TNIK: variants seen among roughly 807,000 people sequenced by gnomAD.
TNIK encodes the protein TRAF2 and NCK interacting kinase.
A neutral mutation model predicts 191.3 loss-of-function variants in TNIK; 49 were observed. The observed-to-expected ratio is 0.26, with a 90% confidence interval of 0.20 to 0.32. The LOEUF (loss-of-function observed/expected upper bound fraction) is 0.32, where lower values mean the gene tolerates loss of function less well. Among genes scored for constraint, TNIK ranks in the 10% least tolerant of loss-of-function variants. TNIK has a pLI of 1.00. For missense variants in TNIK, 1,155 were observed against 1,702.3 expected, an observed-to-expected ratio of 0.68 and a Z score of 5.66; for synonymous variants, 594 against 600.9, an observed-to-expected ratio of 0.99 and a Z score of 0.17.
chr3:171,446,404 A>G (rs1054207905), intron 1 of TNIK, among the ~76,000 whole-genome samples: 12 of 152,214 alleles, frequency 7.9e-5, no homozygotes, highest in Admixed American at 2.0e-4. Context: ...TGATGAAACC[A>G]TATTCATGTG....
At chr3:171,239,864 C>A (rs566199701) in intron 2 of TNIK, among the ~76,000 whole-genome samples, 1 of 152,172 alleles carries the variant, frequency 6.6e-6, no homozygotes, top group East Asian at 1.9e-4. Context: ...CTCTCAGAAA[C>A]CTGTACTCTC....
rs190486643 is a variant in TNIK at position 171,132,773 on chromosome 3, T to C, written c.1609-3895A>G. 2.4e-4 allele frequency among the ~76,000 whole-genome samples: 36 copies of C among 152,336 alleles called. 1 individual carries two copies. The highest frequency in any genetic ancestry group is 8.7e-4 in the African/African-American group (36 of 41,588). ...CAGCAAATATATATTTACTATGTCA[T>C]ATGGGTGCATTCTAATAATATTTTA... On this transcript the variant is annotated intron_variant, in intron 15 of 32. Transcript: ENST00000436636.
intron 21 of TNIK, among the ~76,000 whole-genome samples, chr3:171,106,386 T>C (rs543127365): frequency 6.6e-6 from 1 of 152,328 alleles, no homozygotes; most frequent in African/African-American, 2.4e-5. Flanking sequence ...AGCCAAGATT[T>C]GAATGCAGCT....
chr3:171,247,443 G>A (rs1745717092), intron 2 of TNIK, among the ~76,000 whole-genome samples: 1 of 152,220 alleles, frequency 6.6e-6, no homozygotes, highest in South Asian at 2.1e-4. Context: ...TACAATCTAG[G>A]TGGGTAAGAG....
intron 1 of TNIK, among the ~76,000 whole-genome samples, chr3:171,458,698 A>G (rs1341280342): frequency 1.3e-5 from 2 of 152,226 alleles, no homozygotes; most frequent in African/African-American, 2.4e-5. Flanking sequence ...TTCAGCATCA[A>G]TCTAACAATG....
At chr3:171,343,612 T>C (rs183215586) in intron 2 of TNIK, among the ~76,000 whole-genome samples, 2 of 152,352 alleles carry the variant, frequency 1.3e-5, no homozygotes, top group African/African-American at 4.8e-5. Flanking sequence ...GCAGATTCTC[T>C]GGAGTCAACC....
intron 2 of TNIK, among the ~76,000 whole-genome samples, chr3:171,244,107 G>T (rs1004027719): frequency 6.7e-6 from 1 of 149,438 alleles, no homozygotes; most frequent in African/African-American, 2.5e-5. Context: ...GTCGCCCGCC[G>T]GGGTGGGAAT....
At chr3:171,389,630 T>A (rs562937475) in intron 1 of TNIK, among the ~76,000 whole-genome samples, 1 of 152,138 alleles carries the variant, frequency 6.6e-6, no homozygotes, top group South Asian at 2.1e-4. Context: ...GAACATAGAG[T>A]AGCCTGTTCT....
At chr3:171,327,445 A>G (rs1755897963) in intron 2 of TNIK, among the ~76,000 whole-genome samples, 1 of 152,128 alleles carries the variant, frequency 6.6e-6, no homozygotes, top group Admixed American at 6.5e-5. Flanking sequence ...CCAATAGCCT[A>G]TGGGCTGGAG....
intron 27 of TNIK, among the ~76,000 whole-genome samples, chr3:171,080,027 T>G (rs1720465538): frequency 6.6e-6 from 1 of 152,210 alleles, no homozygotes; most frequent in East Asian, 1.9e-4. Context: ...TGAAGAAGTG[T>G]TGGCAACTGG....
intron 2 of TNIK, among the ~76,000 whole-genome samples, chr3:171,326,924 C>G (rs1560432159): frequency 6.6e-6 from 1 of 152,174 alleles, no homozygotes; most frequent in South Asian, 2.1e-4. Flanking sequence ...AACTCACAAG[C>G]ACCATACTTA....
intron 1 of TNIK, among the ~76,000 whole-genome samples, chr3:171,438,717 C>T (rs1199214416): frequency 6.6e-6 from 1 of 152,178 alleles, no homozygotes; most frequent in African/African-American, 2.4e-5. Context: ...AACCAAACCT[C>T]CCTGATATGT....
intron 2 of TNIK, among the ~76,000 whole-genome samples, chr3:171,269,100 C>G (rs1439140073): frequency 6.6e-6 from 1 of 151,946 alleles, no homozygotes; most frequent in Non-Finnish European, 1.5e-5. Context: ...ATTTGAAAAA[C>G]CTCAAAAATT....
chr3:171,438,195 C>A (rs1203483591), intron 1 of TNIK, among the ~76,000 whole-genome samples: 1 of 152,130 alleles, frequency 6.6e-6, no homozygotes, highest in Non-Finnish European at 1.5e-5. Flanking sequence ...TGAGTAGAGG[C>A]CATTTCACCA....
At chr3:171,390,670 C>T (rs1224214721) in intron 1 of TNIK, among the ~76,000 whole-genome samples, 5 of 152,240 alleles carry the variant, frequency 3.3e-5, no homozygotes, top group Non-Finnish European at 5.9e-5. Flanking sequence ...GGTGATCTCA[C>T]CTCTTGGTAC....
rs1270759832 is a variant in TNIK, at chr3:171,084,255, T to A, written c.3069A>T (p.Val1023=). Reference sequence around the variant, plus strand: ...GCCGAATGTTGGTTGGGTTTACATTTACCACCGAAATCTTTCTTGCTTCAT... The same window carrying A: ...GCCGAATGTTGGTTGGGTTTACATTAACCACCGAAATCTTTCTTGCTTCAT... The part of the protein sequence containing the change: ...KLNEARKISV[V]NVNPTNIRPH... Residue 1023 remains valine, a synonymous_variant, in exon 26 of 33, where the codon GTA becomes GTT. Transcript: ENST00000436636. The A allele has an allele frequency of 6.2e-7, 1 of 1,613,882 alleles. No homozygotes were observed. Among genetic ancestry groups the A allele is most frequent in the Non-Finnish European group, 8.5e-7 (1 of 1,179,818 alleles).
intron 32 of TNIK, 121 bp from the exon 33 acceptor site, chr3:171,064,085 A>G (rs1718120274): frequency 1.2e-6 from 1 of 854,710 alleles, no homozygotes; most frequent in African/African-American, 1.7e-5. Flanking sequence ...TTAAGACTCA[A>G]TGGCTTGTGT....
intron 3 of TNIK, among the ~76,000 whole-genome samples, chr3:171,224,881 A>G (rs1293102505): frequency 6.6e-6 from 1 of 152,186 alleles, no homozygotes; most frequent in African/African-American, 2.4e-5. Flanking sequence ...TTCTGAAGCA[A>G]ATGTTGGCAA....
chr3:171,138,437 C>T lies in TNIK; in HGVS notation c.1420-58G>A, dbSNP rs181316078. The T allele has an allele frequency of 1.5e-4, 215 of 1,428,250 alleles. No individual in the cohort carries two copies. The African/African-American group carries it at 1.7e-3, about 11-fold the overall frequency. 88.5% of individuals were successfully genotyped at this position (1,428,250 alleles called of 1,614,324 possible). A position where few individuals can be genotyped will look rare whatever the true frequency, so the allele number is the denominator to read the frequency against. On this transcript the variant is annotated intron_variant, in intron 14 of 32. Coordinates refer to ENST00000436636, the MANE Select transcript of TNIK (RefSeq NM_015028.4). ...GGCCAAATTATCACATAGAAATCATCGGCCAGTACCAGATAAGCATGCAAT... is the reference window on the plus strand; with the variant it reads ...GGCCAAATTATCACATAGAAATCATTGGCCAGTACCAGATAAGCATGCAAT...
Sources: gnomAD v4.1 joint callset for allele counts (sites outside exome capture counted in the v4.1 genomes callset) on GRCh38, gnomAD v4.1.1 for gene constraint, MANE v1.5 for transcripts, NCBI Gene and HGNC (gene_info 2026-07-23, HGNC 2026-07-21) for gene names.